The following FBXL17 variants were observed in gnomAD, a reference collection of about 807,000 sequenced individuals.
FBXL17 encodes F-box/LRR-repeat protein 17.
In FBXL17, 22 loss-of-function variants were observed where a neutral mutation model predicts 66.2. The observed-to-expected ratio is 0.33, with a 90% confidence interval of 0.24 to 0.47. FBXL17 has a LOEUF of 0.47. FBXL17 is among the 20% of genes least tolerant of loss of function. The pLI, the probability that FBXL17 is intolerant of heterozygous loss-of-function variation, is 1.00. For missense variants in FBXL17, 878 were observed against 948.2 expected, an observed-to-expected ratio of 0.93 and a Z score of 0.97; for synonymous variants, 474 against 400.5, an observed-to-expected ratio of 1.18 and a Z score of -2.19.
intron 5 of FBXL17, among the ~76,000 whole-genome samples, chr5:108,212,616 C>A (rs1561467653): frequency 6.6e-6 from 1 of 152,184 alleles, no homozygotes; most frequent in Non-Finnish European, 1.5e-5. Context: ...ACCCCTGACC[C>A]TGTTTGCCTG....
chr5:107,968,470 T>G (rs971050008), intron 7 of FBXL17, among the ~76,000 whole-genome samples: 6 of 152,192 alleles, frequency 3.9e-5, no homozygotes, highest in Non-Finnish European at 7.3e-5. Context: ...TCTCTTCTTT[T>G]AGAGTAGACA....
chr5:108,175,109 A>T (rs1230130184), intron 6 of FBXL17, among the ~76,000 whole-genome samples: 1 of 152,196 alleles, frequency 6.6e-6, no homozygotes, highest in South Asian at 2.1e-4. Context: ...GTTTCAGCCA[A>T]ATTTAAAAGA....
chr5:107,897,577 A>T (rs1749425105), intron 7 of FBXL17, among the ~76,000 whole-genome samples: 1 of 152,172 alleles, frequency 6.6e-6, no homozygotes, highest in Non-Finnish European at 1.5e-5. Context: ...CCAGAACTCC[A>T]TGAGTTTAAC....
intron 6 of FBXL17, among the ~76,000 whole-genome samples, chr5:108,164,813 A>G (rs1042001912): frequency 3.3e-5 from 5 of 152,222 alleles, no homozygotes; most frequent in African/African-American, 4.8e-5. Context: ...CAGAGCCAGG[A>G]TTCAAATCCA....
At chr5:108,319,562 G>T (rs1366279007) in intron 4 of FBXL17, among the ~76,000 whole-genome samples, 1 of 151,546 alleles carries the variant, frequency 6.6e-6, no homozygotes, top group Non-Finnish European at 1.5e-5. Flanking sequence ...CTACTTTCAA[G>T]ATAATTTAAA....
At chr5:108,338,636 C>T (rs975493144) in intron 4 of FBXL17, among the ~76,000 whole-genome samples, 3 of 151,882 alleles carry the variant, frequency 2.0e-5, no homozygotes, top group Non-Finnish European at 4.4e-5. Context: ...GTGGCTACAA[C>T]TAAGATGCAA....
chr5:107,945,998 A>G (rs12659389), intron 7 of FBXL17, among the ~76,000 whole-genome samples: 56,040 of 151,464 alleles, frequency 0.37, 11,419 homozygotes, highest in East Asian at 0.59. Context: ...GTGCATTGAA[A>G]TAGAGATTTT....
chr5:108,146,231 C>CA (rs1270049412), intron 6 of FBXL17, among the ~76,000 whole-genome samples: 355 of 97,642 alleles, frequency 3.6e-3, no homozygotes, highest in Middle Eastern at 6.8e-3. Flanking sequence ...GACTTCGTCT[C>CA]AAAAAAAAAA....
At chr5:108,129,851 A>T (rs1333822090) in intron 6 of FBXL17, among the ~76,000 whole-genome samples, 1 of 151,970 alleles carries the variant, frequency 6.6e-6, no homozygotes, top group Non-Finnish European at 1.5e-5. Flanking sequence ...ACCATTTTTA[A>T]ATAAGGTTTT....
intron 5 of FBXL17, among the ~76,000 whole-genome samples, chr5:108,187,460 G>C (rs1396099423): frequency 6.6e-6 from 1 of 152,164 alleles, no homozygotes; most frequent in Non-Finnish European, 1.5e-5. Context: ...AGTAGTCCCA[G>C]TGTAATCACT....
At chr5:107,947,990 T>G (rs1580234048) in intron 7 of FBXL17, among the ~76,000 whole-genome samples, 1 of 152,266 alleles carries the variant, frequency 6.6e-6, no homozygotes, top group Non-Finnish European at 1.5e-5. Context: ...CAGAGAAGAC[T>G]ATAAAGCCTC....
At chr5:107,987,378 C>G (rs753232205) in intron 7 of FBXL17, among the ~76,000 whole-genome samples, 30 of 151,564 alleles carry the variant, frequency 2.0e-4, no homozygotes, top group Non-Finnish European at 1.3e-4. Context: ...TGAATTTTAC[C>G]TCCCTGGTGC....
chr5:107,886,915 CAA>C (rs33943440), intron 7 of FBXL17, among the ~76,000 whole-genome samples: 9 of 129,612 alleles, frequency 6.9e-5, no homozygotes, highest in East Asian at 2.2e-4. Context: ...TAATGAAATA[CAA>C]AAAAAAAAAA....
At chr5:107,979,845 T>C (rs1752739146) in intron 7 of FBXL17, among the ~76,000 whole-genome samples, 1 of 152,224 alleles carries the variant, frequency 6.6e-6, no homozygotes, top group Admixed American at 6.5e-5. Flanking sequence ...TTTATTTTCA[T>C]GCCTTTAGAT....
chr5:108,309,961 T>C (rs549959631), intron 4 of FBXL17, among the ~76,000 whole-genome samples: 33 of 152,276 alleles, frequency 2.2e-4, no homozygotes, highest in African/African-American at 7.2e-4. Context: ...TCTGTTTAAA[T>C]TATGTTAGAT....
intron 6 of FBXL17, among the ~76,000 whole-genome samples, chr5:108,174,606 AGT>A (rs1290790837): frequency 2.0e-5 from 3 of 152,170 alleles, no homozygotes; most frequent in Non-Finnish European, 4.4e-5. Context: ...GGCCTTAATC[AGT>A]GTGTTTAGGT....
chr5:108,202,103 G>A (rs1262765050), intron 5 of FBXL17, among the ~76,000 whole-genome samples: 2 of 152,026 alleles, frequency 1.3e-5, no homozygotes, highest in African/African-American at 2.4e-5. Flanking sequence ...AAAAACAATT[G>A]CCAATTCTCT....
intron 7 of FBXL17, among the ~76,000 whole-genome samples, chr5:107,953,417 A>C (rs989676179): frequency 9.2e-5 from 14 of 151,410 alleles, no homozygotes; most frequent in Non-Finnish European, 1.9e-4. Flanking sequence ...AAAAAAAAAA[A>C]AAAAAAAGGC....
intron 6 of FBXL17, among the ~76,000 whole-genome samples, chr5:108,104,993 C>A (rs1749738849): frequency 6.6e-6 from 1 of 152,126 alleles, no homozygotes; most frequent in South Asian, 2.1e-4. Context: ...AGGTGCCCGC[C>A]ACGATGCCCA....
Sources: gnomAD v4.1 joint callset for allele counts (sites outside exome capture counted in the v4.1 genomes callset) on GRCh38, gnomAD v4.1.1 for gene constraint, MANE v1.5 for transcripts, NCBI Gene and HGNC (gene_info 2026-07-23, HGNC 2026-07-21) for gene names.